PCDHGA9: variants seen among roughly 807,000 people sequenced by gnomAD.
The protein encoded by PCDHGA9 is protocadherin gamma-A9.
A neutral mutation model predicts 62.5 loss-of-function variants in PCDHGA9; 37 were observed. The observed-to-expected ratio is 0.59, with a 90% CI of 0.46 to 0.78. The LOEUF (loss-of-function observed/expected upper bound fraction) is 0.78, where lower values mean the gene tolerates loss of function less well. Ranked by LOEUF, PCDHGA9 falls within the 30% of genes least tolerant of loss-of-function variation. The pLI is 0.00. For missense variants in PCDHGA9, 1,138 were observed against 1,166.2 expected (o/e 0.98, Z 0.35); for synonymous variants, 459 against 484.6 (o/e 0.95, Z 0.69).
chr5:141,424,768 A>G (rs143190880), intron 1 of PCDHGA9: 38 of 152,284 alleles, frequency 2.5e-4, no homozygotes, highest in African/African-American at 9.1e-4. Context: ...TCTTATGGCA[A>G]ATAGTACATT....
intron 1 of PCDHGA9, chr5:141,478,198 ACTT>A (rs2099438516): frequency 1.2e-6 from 2 of 1,613,746 alleles, no homozygotes; most frequent in African/African-American, 1.3e-5. Context: ...CCTTTTATCT[ACTT>A]CTTTCTCTAA....
At chr5:141,435,010 G>A (rs2097736933) in intron 1 of PCDHGA9, among the ~76,000 whole-genome samples, 1 of 151,950 alleles carries the variant, frequency 6.6e-6, no homozygotes, top group Non-Finnish European at 1.5e-5. Flanking sequence ...ATTTATCAAT[G>A]ATAATGCTCT....
At chr5:141,417,795 T>C in intron 1 of PCDHGA9, 1 of 1,483,780 alleles carries the variant, frequency 6.7e-7, no homozygotes, top group Non-Finnish European at 9.0e-7. Context: ...AATGCTCTTT[T>C]AGCGCGGTAG....
chr5:141,470,550 A>G (rs899475300), intron 1 of PCDHGA9, among the ~76,000 whole-genome samples: 1 of 152,120 alleles, frequency 6.6e-6, no homozygotes, highest in Non-Finnish European at 1.5e-5. Flanking sequence ...ATTTATTGAG[A>G]GTTTCCTCTG....
In PCDHGA9 at chr5:141,485,313, A is replaced by G. The variant is rs758628263; in HGVS notation, c.2425-9494A>G. On this transcript the variant is annotated intron_variant, in intron 1 of 3. Transcript: ENST00000573521. The surrounding 1 kb of genome is among the most constrained non-coding windows in gnomAD (Gnocchi z 5.7). Reference sequence around the variant, plus strand: ...TCACAGGAAGGGACTTTTGTAGGGAATGTCGCTCAAGATTTCCTGCTGGAT... The same window carrying G: ...TCACAGGAAGGGACTTTTGTAGGGAGTGTCGCTCAAGATTTCCTGCTGGAT... 1.2e-6 allele frequency: 2 copies of G among 1,614,186 alleles called. No individual in the cohort carries two copies. Among genetic ancestry groups the G allele is most frequent in the African/African-American group, 1.3e-5 (1 of 75,054 alleles).
chr5:141,465,348 A>G (rs886810999), intron 1 of PCDHGA9, among the ~76,000 whole-genome samples: 2 of 152,158 alleles, frequency 1.3e-5, no homozygotes, highest in African/African-American at 4.8e-5. Flanking sequence ...GTTACTGAAG[A>G]AAAAATGGGT....
chr5:141,424,383 T>C (rs2096817494), intron 1 of PCDHGA9: 2 of 152,238 alleles, frequency 1.3e-5, no homozygotes, highest in Non-Finnish European at 2.9e-5. Context: ...AAGCTCTAGA[T>C]GTCTTTTCCA....
chr5:141,470,986 G>T (rs1215610104), intron 1 of PCDHGA9, among the ~76,000 whole-genome samples: 1 of 151,540 alleles, frequency 6.6e-6, no homozygotes, highest in Non-Finnish European at 1.5e-5. Flanking sequence ...CAAAGTGCTG[G>T]GACTACAGGC....
In PCDHGA9 at chr5:141,478,182, A is replaced by T. The variant is rs777228133; in HGVS notation, c.2425-16625A>T. The T allele has an allele frequency of 5.0e-6, 8 of 1,613,866 alleles. No individual in the cohort carries two copies. In the South Asian group the frequency reaches 8.8e-5, roughly 18 times the overall value. ...TCTGCCCCCCGGGAGCAGAAAAAAA[A>T]TCTCACCTTTTATCTACTTCTTTCT... is the stretch of plus-strand genomic sequence containing the variant. On this transcript the variant is annotated intron_variant, in intron 1 of 3. Transcript: ENST00000573521.
At chr5:141,415,502 A>C (rs1162629839) in intron 1 of PCDHGA9, 6 of 1,614,086 alleles carry the variant, frequency 3.7e-6, no homozygotes, top group Admixed American at 1.7e-5. Flanking sequence ...ATCTTCCCCC[A>C]GCCCAATTAT....
In PCDHGA9 at chr5:141,421,902, C is replaced by T. The variant is rs1218675162; in HGVS notation, c.2424+16526C>T. 4 of 1,613,706 alleles carry T rather than the reference C, an allele frequency of 2.5e-6. No homozygotes were observed. The South Asian group carries it at 3.3e-5, about 13-fold the overall frequency. On this transcript the variant is annotated intron_variant, in intron 1 of 3. Coordinates refer to ENST00000573521, the MANE Select transcript of PCDHGA9 (RefSeq NM_018921.3). Reference sequence around the variant, plus strand: ...ATGGAGGCGATCCCATCCGAAAGGGCGCAGTTCCCATTCGTGTGGTGGTCC... The same window carrying T: ...ATGGAGGCGATCCCATCCGAAAGGGTGCAGTTCCCATTCGTGTGGTGGTCC...
intron 1 of PCDHGA9, chr5:141,440,430 G>A (rs965990102): frequency 6.6e-6 from 1 of 152,196 alleles, no homozygotes; most frequent in African/African-American, 2.4e-5. Flanking sequence ...CTGGGTGACA[G>A]AGCAAGGCGC....
At chr5:141,453,331 C>G (rs1224258701) in intron 1 of PCDHGA9, among the ~76,000 whole-genome samples, 1 of 151,962 alleles carries the variant, frequency 6.6e-6, no homozygotes, top group East Asian at 1.9e-4. Flanking sequence ...TGGGGTCTCA[C>G]TATGTTTCCC....
intron 3 of PCDHGA9, among the ~76,000 whole-genome samples, chr5:141,508,616 G>T (rs1007206932): frequency 6.6e-6 from 1 of 152,114 alleles, no homozygotes; most frequent in African/African-American, 2.4e-5. Flanking sequence ...ATAGGACGTG[G>T]GTGGGCCGAG....
intron 1 of PCDHGA9, chr5:141,413,826 C>G (rs1363449): frequency 6.2e-7 from 1 of 1,613,180 alleles, no homozygotes; most frequent in Non-Finnish European, 8.5e-7. Flanking sequence ...TGGTCCTCAC[C>G]GCCTCCGACG....
intron 1 of PCDHGA9, chr5:141,422,819 TGA>T (rs766395950): frequency 1.9e-5 from 31 of 1,614,068 alleles, no homozygotes; most frequent in Middle Eastern, 1.6e-4. Flanking sequence ...GACTTAGAAC[TGA>T]GAGTGATAGC....
chr5:141,421,374 C>T, intron 1 of PCDHGA9: 1 of 1,614,062 alleles, frequency 6.2e-7, no homozygotes, highest in Non-Finnish European at 8.5e-7. Flanking sequence ...TGGGCAATAT[C>T]TCCAAGGACC....
intron 1 of PCDHGA9, chr5:141,420,939 C>A: frequency 2.6e-6 from 1 of 387,512 alleles, no homozygotes; most frequent in South Asian, 5.2e-5. Context: ...GTAATCATTT[C>A]TTCTGGAATT....
In PCDHGA9 at chr5:141,512,843, T is replaced by G. The variant is rs2099884463; in HGVS notation, c.*1670T>G. ...CCCTCCCCCGTACTGACTTCTCCTATAAGCGCTTCTCTTCGCATAGTCACG... is the reference window on the plus strand; with the variant it reads ...CCCTCCCCCGTACTGACTTCTCCTAGAAGCGCTTCTCTTCGCATAGTCACG... On this transcript the variant is annotated 3_prime_UTR_variant, in exon 4 of 4. Coordinates refer to ENST00000573521, the MANE Select transcript of PCDHGA9 (RefSeq NM_018921.3). 6.6e-6 allele frequency: 1 copy of G among 152,290 alleles called. No individual in the cohort carries two copies. The highest frequency in any genetic ancestry group is 1.5e-5 in the Non-Finnish European group (1 of 68,088). 9.4% of individuals were successfully genotyped at this position (152,290 alleles called of 1,614,324 possible).
Sources: gnomAD v4.1 joint callset for allele counts (sites outside exome capture counted in the v4.1 genomes callset) on GRCh38, gnomAD v4.1.1 for gene constraint, Gnocchi (gnomAD v3.1) non-coding constraint, MANE v1.5 for transcripts, NCBI Gene and HGNC (gene_info 2026-07-23, HGNC 2026-07-21) for gene names.